WDFY2: variants seen among roughly 807,000 people sequenced by gnomAD.
WDFY2 encodes the protein WD repeat and FYVE domain containing 2.
A neutral mutation model predicts 56.4 loss-of-function variants in WDFY2; 36 were observed. That is an observed-to-expected ratio of 0.64 (90% CI 0.49 to 0.84). The LOEUF (loss-of-function observed/expected upper bound fraction) is 0.84. WDFY2 is among the 40% of genes least tolerant of loss of function. The pLI, the probability that WDFY2 is intolerant of heterozygous loss-of-function variation, is 0.00. For synonymous variants in WDFY2, 176 were observed against 183.7 expected (o/e 0.96, Z 0.34); for missense variants, 444 against 512.2 (o/e 0.87, Z 1.29).
At chr13:51,751,166 A>T (rs1451108256) in intron 7 of WDFY2, 144 bp from the exon 8 acceptor site, 14 of 643,902 alleles carry the variant, frequency 2.2e-5, no homozygotes, top group Non-Finnish European at 3.3e-5. Context: ...GACCTTTAAC[A>T]TGCTGAAAAT....
intron 1 of WDFY2, among the ~76,000 whole-genome samples, chr13:51,612,068 A>G (rs1371335596): frequency 6.6e-6 from 1 of 152,112 alleles, no homozygotes; most frequent in Non-Finnish European, 1.5e-5. Flanking sequence ...TCCTTATTCT[A>G]GTTGAGAGCA....
intron 7 of WDFY2, among the ~76,000 whole-genome samples, chr13:51,748,496 G>A (rs17075921): frequency 6.6e-6 from 1 of 152,148 alleles, no homozygotes; most frequent in African/African-American, 2.4e-5. Context: ...AGGAGCACAG[G>A]TGTTTAAGAA....
At chr13:51,635,932 A>G (rs1364703138) in intron 1 of WDFY2, among the ~76,000 whole-genome samples, 1 of 152,182 alleles carries the variant, frequency 6.6e-6, no homozygotes, top group Non-Finnish European at 1.5e-5. Flanking sequence ...TGGTGTCCCT[A>G]TATCTGGGCA....
intron 4 of WDFY2, among the ~76,000 whole-genome samples, chr13:51,710,669 A>G (rs986977172): frequency 9.9e-5 from 15 of 151,928 alleles, no homozygotes; most frequent in South Asian, 2.1e-4. Context: ...GCCAAATCAT[A>G]AGTGAACTCC....
chr13:51,638,563 C>T (rs898202125), intron 1 of WDFY2, among the ~76,000 whole-genome samples: 7 of 152,052 alleles, frequency 4.6e-5, no homozygotes, highest in Admixed American at 2.6e-4. Context: ...CCCTCAAAGA[C>T]GAAAAGAAAC....
chr13:51,679,925 TA>T (rs1436778404), intron 3 of WDFY2, among the ~76,000 whole-genome samples: 1 of 150,734 alleles, frequency 6.6e-6, no homozygotes, highest in Non-Finnish European at 1.5e-5. Flanking sequence ...TGGACTCCTT[TA>T]AAAAAAAACA....
chr13:51,714,968 C>T (rs1952311328), intron 4 of WDFY2, among the ~76,000 whole-genome samples: 4 of 152,056 alleles, frequency 2.6e-5, no homozygotes, highest in South Asian at 2.1e-4. Flanking sequence ...GTATTTGTTA[C>T]AATAAACATA....
intron 1 of WDFY2, among the ~76,000 whole-genome samples, chr13:51,611,948 G>A (rs1305586457): frequency 3.3e-5 from 5 of 152,148 alleles, no homozygotes; most frequent in Non-Finnish European, 7.4e-5. Context: ...CTGAAAATAA[G>A]TTGACTGGCT....
intron 5 of WDFY2, among the ~76,000 whole-genome samples, chr13:51,725,958 A>G (rs1300732483): frequency 1.3e-5 from 2 of 152,178 alleles, no homozygotes; most frequent in Non-Finnish European, 2.9e-5. Flanking sequence ...TACAGGCATG[A>G]GCCACTGTGC....
At chr13:51,678,194 G>C (rs1367202284) in intron 3 of WDFY2, among the ~76,000 whole-genome samples, 1 of 152,100 alleles carries the variant, frequency 6.6e-6, no homozygotes, top group African/African-American at 2.4e-5. Context: ...TAGCTATGTT[G>C]TATTGTGTAT....
At chr13:51,747,014 G>C (rs1319693735) in intron 7 of WDFY2, among the ~76,000 whole-genome samples, 2 of 152,266 alleles carry the variant, frequency 1.3e-5, no homozygotes, top group African/African-American at 4.8e-5. Context: ...TCTAAGCAAT[G>C]TCAGCTCAGC....
chr13:51,730,686 C>G (rs1370765457), intron 6 of WDFY2, among the ~76,000 whole-genome samples: 3 of 152,182 alleles, frequency 2.0e-5, no homozygotes, highest in Non-Finnish European at 4.4e-5. Flanking sequence ...GTGACGGCCT[C>G]CTCAGGAGTC....
At chr13:51,744,653 T>C (rs1362041119) in intron 7 of WDFY2, among the ~76,000 whole-genome samples, 1 of 152,230 alleles carries the variant, frequency 6.6e-6, no homozygotes, top group Non-Finnish European at 1.5e-5. Flanking sequence ...CTGTAGTATT[T>C]ATAGATGGCA....
At chr13:51,608,679 A>C (rs1404601495) in intron 1 of WDFY2, among the ~76,000 whole-genome samples, 1 of 152,120 alleles carries the variant, frequency 6.6e-6, no homozygotes, top group Non-Finnish European at 1.5e-5. Context: ...AGACTGTCTT[A>C]AAAAAAGAAA....
At chr13:51,588,136 TA>T (rs1335587592) in intron 1 of WDFY2, 2 of 152,264 alleles carry the variant, frequency 1.3e-5, no homozygotes, top group Non-Finnish European at 2.9e-5. Context: ...CCAAAGGGCA[TA>T]CCAAACTTTG....
intron 2 of WDFY2, among the ~76,000 whole-genome samples, chr13:51,674,528 C>T (rs1297431161): frequency 6.6e-6 from 1 of 152,124 alleles, no homozygotes; most frequent in Non-Finnish European, 1.5e-5. Flanking sequence ...TACTGACTTA[C>T]CTGGTTTCTT....
chr13:51,610,035 G>T (rs1954466274), intron 1 of WDFY2, among the ~76,000 whole-genome samples: 1 of 152,106 alleles, frequency 6.6e-6, no homozygotes, highest in African/African-American at 2.4e-5. Context: ...AGTCCAGAGG[G>T]TAGCGCTGAA....
intron 6 of WDFY2, among the ~76,000 whole-genome samples, chr13:51,735,382 T>C (rs1222827350): frequency 6.6e-6 from 1 of 152,120 alleles, no homozygotes; most frequent in Non-Finnish European, 1.5e-5. Context: ...AAGTTCAATA[T>C]AGTGGGGTCT....
intron 1 of WDFY2, among the ~76,000 whole-genome samples, chr13:51,619,447 CAAA>C (rs920153937): frequency 2.1e-5 from 3 of 145,994 alleles, no homozygotes; most frequent in Admixed American, 6.8e-5. Context: ...AAAAAAAAAA[CAAA>C]AAACAAAAAG....
Sources: gnomAD v4.1 joint callset for allele counts (sites outside exome capture counted in the v4.1 genomes callset) on GRCh38, gnomAD v4.1.1 for gene constraint, MANE v1.5 for transcripts, NCBI Gene and HGNC (gene_info 2026-07-23, HGNC 2026-07-21) for gene names.